Variants in MBOAT2 observed in about 807,000 individuals in gnomAD.
The protein encoded by MBOAT2 is membrane-bound glycerophospholipid O-acyltransferase 2.
MBOAT2 carries 28 observed loss-of-function variants against 63.4 expected under a neutral mutation model. The observed-to-expected ratio is 0.44, with a 90% CI of 0.33 to 0.61. The LOEUF (loss-of-function observed/expected upper bound fraction) is 0.61, where lower values mean the gene tolerates loss of function less well. Ranked by LOEUF, MBOAT2 falls within the 20% of genes least tolerant of loss-of-function variation. The probability of loss-of-function intolerance (pLI) is 0.03; values close to 1 mark genes in which losing one functional copy is unlikely to be tolerated. For synonymous variants in MBOAT2, 211 were observed against 215.6 expected (o/e 0.98, Z 0.19); for missense variants, 470 against 605.8 (o/e 0.78, Z 2.35).
chr2:8,957,775 A>G (rs1270349529), intron 2 of MBOAT2, among the ~76,000 whole-genome samples: 1 of 152,244 alleles, frequency 6.6e-6, no homozygotes, highest in Admixed American at 6.5e-5. Context: ...AAGCTCAGGA[A>G]GAGACCACAA....
chr2:8,935,286 CA>C (rs1004382539), intron 3 of MBOAT2, among the ~76,000 whole-genome samples: 1 of 151,838 alleles, frequency 6.6e-6, no homozygotes, highest in Non-Finnish European at 1.5e-5. Context: ...AAAATCCAGC[CA>C]AAAAAATGTT....
intron 3 of MBOAT2, among the ~76,000 whole-genome samples, chr2:8,941,088 T>C (rs1372970130): frequency 3.3e-5 from 5 of 151,854 alleles, no homozygotes; most frequent in Non-Finnish European, 7.4e-5. Flanking sequence ...CATATTCAGA[T>C]AATAAGAAAA....
chr2:8,992,028 AT>A (rs966739157), intron 1 of MBOAT2, among the ~76,000 whole-genome samples: 5 of 152,260 alleles, frequency 3.3e-5, no homozygotes, highest in African/African-American at 1.2e-4. Flanking sequence ...GGGACTAGCT[AT>A]TTCGCCTAAC....
At chr2:8,948,421 A>G (rs1351836901) in intron 2 of MBOAT2, among the ~76,000 whole-genome samples, 1 of 152,174 alleles carries the variant, frequency 6.6e-6, no homozygotes, top group African/African-American at 2.4e-5. Flanking sequence ...GGTTTAGGGT[A>G]TGAATGATCC....
intron 1 of MBOAT2, among the ~76,000 whole-genome samples, chr2:8,967,990 C>G (rs1447832018): frequency 6.6e-6 from 1 of 152,028 alleles, no homozygotes; most frequent in Non-Finnish European, 1.5e-5. Context: ...ACGCAGAAGA[C>G]AGGTGATTTC....
intron 3 of MBOAT2, among the ~76,000 whole-genome samples, chr2:8,941,797 A>G (rs1345511642): frequency 1.3e-5 from 2 of 152,218 alleles, no homozygotes; most frequent in African/African-American, 2.4e-5. Context: ...AGTTAACTTC[A>G]CCGACTGCAA....
chr2:8,898,701 G>A (rs1664678381), intron 4 of MBOAT2, among the ~76,000 whole-genome samples: 1 of 152,232 alleles, frequency 6.6e-6, no homozygotes, highest in African/African-American at 2.4e-5. Context: ...TAAACCCTGG[G>A]GGCAAGACCG....
intron 1 of MBOAT2, among the ~76,000 whole-genome samples, chr2:8,994,699 A>G (rs1353249611): frequency 2.0e-5 from 3 of 152,244 alleles, no homozygotes; most frequent in Non-Finnish European, 2.9e-5. Context: ...TACTTAGGGC[A>G]TGTAGGTGTA....
chr2:8,915,143 T>C (rs1353885932), intron 3 of MBOAT2, among the ~76,000 whole-genome samples: 1 of 151,946 alleles, frequency 6.6e-6, no homozygotes, highest in Non-Finnish European at 1.5e-5. Context: ...TTCACCATAT[T>C]GGCCAGGCTG....
At chr2:8,883,235 G>A (rs1461489270) in intron 5 of MBOAT2, among the ~76,000 whole-genome samples, 3 of 151,872 alleles carry the variant, frequency 2.0e-5, no homozygotes, top group Non-Finnish European at 4.4e-5. Flanking sequence ...AAGAACCAAA[G>A]CTAAAGCAAT....
intron 1 of MBOAT2, among the ~76,000 whole-genome samples, chr2:8,972,277 C>T (rs985279499): frequency 6.6e-6 from 1 of 152,180 alleles, no homozygotes; most frequent in African/African-American, 2.4e-5. Context: ...AAAGGATTCC[C>T]TATTTAATAA....
chr2:8,966,766 G>A (rs1017131024), intron 1 of MBOAT2, among the ~76,000 whole-genome samples: 1 of 152,178 alleles, frequency 6.6e-6, no homozygotes, highest in Non-Finnish European at 1.5e-5. Context: ...TTTCTCATAC[G>A]TGGTCAACAA....
chr2:8,997,181 T>C (rs975826445), intron 1 of MBOAT2, among the ~76,000 whole-genome samples: 3 of 152,252 alleles, frequency 2.0e-5, no homozygotes, highest in African/African-American at 7.2e-5. Flanking sequence ...TATTTATGGC[T>C]GCTTTTATTT....
chr2:8,912,356 A>C (rs1665808981), intron 3 of MBOAT2, among the ~76,000 whole-genome samples: 1 of 107,150 alleles, frequency 9.3e-6, no homozygotes, highest in Non-Finnish European at 1.9e-5. Context: ...AGAAAGAGAA[A>C]GAAAGAAAGA....
chr2:9,003,684 T>C lies in MBOAT2; in HGVS notation c.-70A>G. On this transcript the variant is annotated 5_prime_UTR_variant, in exon 1 of 13. Coordinates refer to ENST00000305997, the MANE Select transcript of MBOAT2 (RefSeq NM_138799.4). This position sits in a 1 kb window ranked among gnomAD's most constrained non-coding sequence, Gnocchi z 5.4. ...GCGCTGTGCCGGGCGACGACGAGGA[T>C]GGGGATGCAGCGGCGCGCCCGCCCC... 9.9e-7 allele frequency: 1 copy of C among 1,007,822 alleles called. No individual in the cohort carries two copies. The highest frequency in any genetic ancestry group is 1.2e-6 in the Non-Finnish European group (1 of 824,540). 62.4% of individuals were successfully genotyped at this position (1,007,822 alleles called of 1,614,324 possible).
chr2:8,884,363 T>C (rs1663386081), intron 5 of MBOAT2, among the ~76,000 whole-genome samples: 1 of 151,582 alleles, frequency 6.6e-6, no homozygotes, highest in Non-Finnish European at 1.5e-5. Flanking sequence ...AAAAAAAAGA[T>C]GATCGAAGAT....
rs72771514 is a variant in MBOAT2 at position 8,864,761 on chromosome 2, C to G, written c.988-527G>C. The stretch of plus-strand genomic sequence containing the variant: ...CAGGTCTCACAGGGCATCCCACCTT[C>G]CCAGCTTCCTCTCTCAAGTTACTCC... On this transcript the variant is annotated intron_variant, in intron 9 of 12. Transcript: ENST00000305997. Among the ~76,000 whole-genome samples the G allele has an allele frequency of 4.1e-3, 630 of 152,248 alleles. 4 individuals carry two copies. The highest frequency in any genetic ancestry group is 4.8e-3 in the Non-Finnish European group (329 of 68,006).
At chr2:8,956,042 C>T (rs894323129) in intron 2 of MBOAT2, among the ~76,000 whole-genome samples, 2 of 152,098 alleles carry the variant, frequency 1.3e-5, no homozygotes, top group Non-Finnish European at 1.5e-5. Flanking sequence ...GTAAATATAA[C>T]TTTTAAATGC....
Position 8,873,249 on chromosome 2 carries a change from A to G in MBOAT2, c.742T>C (p.Leu248=), listed in dbSNP as rs763704755. The change falls in exon 8 of 13, where the codon TTG becomes CTG. Residue 248 remains leucine (L), a synonymous_variant. Transcript: ENST00000305997. ...LVCGLSLLFH[L]TICTTLPVEY... is the part of the protein sequence containing the mutation. ...ACAGGTAATGTTGTACAGATGGTCAAGTGAAATAACAAGGACAGCCCACAA... is the reference window on the plus strand; with the variant it reads ...ACAGGTAATGTTGTACAGATGGTCAGGTGAAATAACAAGGACAGCCCACAA... The G allele has an allele frequency of 4.3e-6, 7 of 1,614,104 alleles. No homozygotes were observed. In the East Asian group the frequency reaches 1.6e-4, roughly 36 times the overall value.
Sources: allele counts gnomAD v4.1 joint callset (sites outside exome capture counted in the v4.1 genomes callset), GRCh38; gene constraint gnomAD v4.1.1; non-coding constraint Gnocchi (gnomAD v3.1); transcripts MANE v1.5; gene names NCBI Gene and HGNC (gene_info 2026-07-23, HGNC 2026-07-21).